The following NEMF variants were observed in gnomAD, a reference collection of about 807,000 sequenced individuals.
The protein encoded by NEMF is ribosome quality control complex subunit NEMF.
A neutral mutation model predicts 162.2 loss-of-function variants in NEMF; 89 were observed. That is an observed-to-expected ratio of 0.55 (90% CI 0.46 to 0.65). The LOEUF (loss-of-function observed/expected upper bound fraction) is 0.65, where lower values mean the gene tolerates loss of function less well. Ranked by LOEUF, NEMF falls within the 30% of genes least tolerant of loss-of-function variation. NEMF has a pLI of 0.00. For missense variants in NEMF, 1,133 were observed against 1,261.9 expected (o/e 0.90, Z 1.55); for synonymous variants, 421 against 404.5 (o/e 1.04, Z -0.49).
intron 4 of NEMF, among the ~76,000 whole-genome samples, chr14:49,844,091 T>C (rs1196493062): frequency 6.8e-6 from 1 of 147,924 alleles, no homozygotes; most frequent in Non-Finnish European, 1.5e-5. Context: ...AAAGTGAGAC[T>C]CTGTATCAAA....
chr14:49,789,408 A>G (rs1890335912), intron 27 of NEMF, 65 bp from the exon 28 acceptor site: 1 of 1,610,658 alleles, frequency 6.2e-7, no homozygotes. Context: ...TTTTAACAAG[A>G]ATGTATTGAA....
chr14:49,846,890 ATTTAC>A (rs1170272215), intron 3 of NEMF, among the ~76,000 whole-genome samples: 2 of 152,036 alleles, frequency 1.3e-5, no homozygotes, highest in African/African-American at 4.8e-5. Flanking sequence ...ACCTTTATTT[ATTTAC>A]TTTATTTTGA....
chr14:49,786,975 G>A, intron 28 of NEMF: 1 of 472,988 alleles, frequency 2.1e-6, no homozygotes, highest in East Asian at 3.4e-5. Flanking sequence ...TCATTCAAGA[G>A]AAGAAGGGTA....
At chr14:49,828,241 A>C in intron 15 of NEMF, 50 bp downstream of exon 15, 1 of 1,204,118 alleles carries the variant, frequency 8.3e-7, no homozygotes, top group Non-Finnish European at 1.2e-6. Flanking sequence ...ATGTCCATTA[A>C]ATTACGCAGG....
At chr14:49,787,677 A>T (rs1002816013) in intron 28 of NEMF, among the ~76,000 whole-genome samples, 6 of 152,136 alleles carry the variant, frequency 3.9e-5, no homozygotes, top group African/African-American at 1.4e-4. Flanking sequence ...TTGTGGGGGG[A>T]TATTAACATT....
intron 1 of NEMF, 78 bp downstream of exon 1, chr14:49,852,617 T>C: frequency 6.8e-7 from 1 of 1,469,918 alleles, no homozygotes; most frequent in South Asian, 1.1e-5. Flanking sequence ...CATATCAAGC[T>C]GGTCTGTTTG....
intron 18 of NEMF, among the ~76,000 whole-genome samples, chr14:49,807,881 T>C (rs1364924327): frequency 6.6e-6 from 1 of 151,490 alleles, no homozygotes; most frequent in Non-Finnish European, 1.5e-5. Flanking sequence ...TGGGATTACA[T>C]GCATGAGCCA....
intron 16 of NEMF, among the ~76,000 whole-genome samples, chr14:49,824,722 C>T (rs1892254491): frequency 6.6e-6 from 1 of 151,966 alleles, no homozygotes; most frequent in African/African-American, 2.4e-5. Context: ...GGCCACCATG[C>T]CCAGCCCACT....
chr14:49,831,881 T>C (rs1892655921), intron 10 of NEMF, among the ~76,000 whole-genome samples, 170 bp downstream of exon 10: 1 of 152,226 alleles, frequency 6.6e-6, no homozygotes. Context: ...TGAAATAAAG[T>C]GGCAACAATT....
intron 23 of NEMF, among the ~76,000 whole-genome samples, chr14:49,800,000 T>C (rs996160433): frequency 2.6e-5 from 4 of 152,166 alleles, no homozygotes; most frequent in African/African-American, 9.7e-5. Context: ...AAGCACAAAG[T>C]AATTTTCCCA....
chr14:49,833,530 G>T, intron 7 of NEMF, 34 bp from the exon 8 acceptor site: 1 of 1,423,280 alleles, frequency 7.0e-7, no homozygotes, highest in Non-Finnish European at 9.7e-7. Context: ...AAAAAGGAGT[G>T]CCAATCAAGT....
At position 49,828,633 on chromosome 14, in the gene NEMF, T is replaced by C. The variant is rs756902297; in HGVS notation, c.1407A>G (p.Ala469=). 1.9e-6 allele frequency: 3 copies of C among 1,573,140 alleles called. No individual in the cohort carries two copies. Among genetic ancestry groups the C allele is most frequent in the African/African-American group, 1.4e-5 (1 of 72,600 alleles). Residue 469 remains alanine (A), a synonymous_variant, in exon 14 of 33, where the codon GCA becomes GCG. Transcript: ENST00000298310. The part of the protein sequence containing the change: ...LLVDVDLSLS[A]YANAKKYYDH... Reference sequence around the variant, plus strand: ...TGACTTACTTTTTGGCATTGGCATATGCTGACAAGCTGAGATCAACATCTA... The same window carrying C: ...TGACTTACTTTTTGGCATTGGCATACGCTGACAAGCTGAGATCAACATCTA...
intron 25 of NEMF, among the ~76,000 whole-genome samples, chr14:49,798,171 A>G (rs1566657003): frequency 6.6e-6 from 1 of 152,262 alleles, no homozygotes; most frequent in Non-Finnish European, 1.5e-5. Flanking sequence ...CTTAATAAAA[A>G]TGATTGTCAA....
chr14:49,848,485 A>C (rs1893618915), intron 3 of NEMF, among the ~76,000 whole-genome samples: 1 of 152,116 alleles, frequency 6.6e-6, no homozygotes, highest in Admixed American at 6.6e-5. Context: ...ATTGTTTCTA[A>C]TTTTTTAATA....
chr14:49,785,037 CTGT>C (rs1566643146), intron 31 of NEMF, 33 bp from the exon 32 acceptor site: 1 of 1,607,804 alleles, frequency 6.2e-7, no homozygotes, highest in Admixed American at 1.7e-5. Flanking sequence ...GAATAATCTA[CTGT>C]TAAGTCACTG....
intron 15 of NEMF, among the ~76,000 whole-genome samples, chr14:49,827,494 T>C (rs112856104): frequency 1.1e-3 from 172 of 152,250 alleles, no homozygotes; most frequent in African/African-American, 4.0e-3. Flanking sequence ...GTCTTCACTT[T>C]TGATTCAAAA....
intron 26 of NEMF, among the ~76,000 whole-genome samples, chr14:49,794,697 C>G (rs1388301638): frequency 1.4e-5 from 2 of 146,584 alleles, no homozygotes; most frequent in East Asian, 2.0e-4. Context: ...CCATAATCCC[C>G]TCATTTTTAT....
chr14:49,829,067 T>G lies in NEMF; in HGVS notation c.1219A>C (p.Thr407Pro). 5.0e-6 allele frequency: 8 copies of G among 1,614,036 alleles called. No individual in the cohort carries two copies. Among genetic ancestry groups the G allele is most frequent in the Non-Finnish European group, 5.9e-6 (7 of 1,179,884 alleles). Residue 407 changes from threonine to proline, a missense_variant, in exon 13 of 33, where the codon ACA becomes CCA. This residue lies in a region of NEMF where 582 missense variants were observed against 631.5 expected (regional missense o/e 0.92). Transcript: ENST00000298310. ...KELKLQTNHV[T>P]MLLRNPYLLS... Reference sequence around the variant, plus strand: ...AGTCAAACTTACCTTAGCAGCATTGTAACATGGTTTGTTTGTAGTTTTAAT... The same window carrying G: ...AGTCAAACTTACCTTAGCAGCATTGGAACATGGTTTGTTTGTAGTTTTAAT...
At chr14:49,785,584 A>G (rs1036308768) in intron 29 of NEMF, 7 of 366,020 alleles carry the variant, frequency 1.9e-5, no homozygotes, top group African/African-American at 8.3e-5. Context: ...CTACAGTTAC[A>G]TTTAAGAGAA....
Sources: allele counts gnomAD v4.1 joint callset (sites outside exome capture counted in the v4.1 genomes callset), GRCh38; gene constraint gnomAD v4.1.1; regional missense constraint gnomAD v4.1.1; transcripts MANE v1.5; gene names NCBI Gene and HGNC (gene_info 2026-07-23, HGNC 2026-07-21).